Variants in KATNAL1 observed in about 807,000 individuals in gnomAD.
The protein encoded by KATNAL1 is katanin catalytic subunit A1 like 1, also known as katanin p60 ATPase-containing subunit A-like 1.
Under a neutral mutation model 55.2 loss-of-function variants are expected in KATNAL1, and 32 were observed. That is an observed-to-expected ratio of 0.58 (90% CI 0.44 to 0.78). KATNAL1 has a LOEUF of 0.78. Among genes scored for constraint, KATNAL1 ranks in the 30% least tolerant of loss-of-function variants. The pLI, the probability that KATNAL1 is intolerant of heterozygous loss-of-function variation, is 0.00. For synonymous variants in KATNAL1, 193 were observed against 193.6 expected, an observed-to-expected ratio of 1.00 and a Z score of 0.02; for missense variants, 466 against 600.9, an observed-to-expected ratio of 0.78 and a Z score of 2.35.
At chr13:30,277,232 T>A (rs1566123804) in intron 3 of KATNAL1, among the ~76,000 whole-genome samples, 1 of 152,250 alleles carries the variant, frequency 6.6e-6, no homozygotes, top group Admixed American at 6.5e-5. Context: ...TCTTGCTATT[T>A]CTCTGAAAGA....
At chr13:30,244,764 TAA>T (rs1431269029) in intron 4 of KATNAL1, among the ~76,000 whole-genome samples, 1 of 152,080 alleles carries the variant, frequency 6.6e-6, no homozygotes, top group Non-Finnish European at 1.5e-5. Flanking sequence ...GAGAATACTA[TAA>T]ACACCTCTAC....
chr13:30,267,252 G>A lies in KATNAL1; in HGVS notation c.324-11637C>T, dbSNP rs549059251. On this transcript the variant is annotated intron_variant, in intron 3 of 10. Coordinates refer to ENST00000380615, the MANE Select transcript of KATNAL1 (RefSeq NM_032116.5). The stretch of plus-strand genomic sequence containing the variant: ...AACTCTAAAGACTTTAAAACTTGAC[G>A]AACAATGATATTTTTTCATATTATC... Among the ~76,000 whole-genome samples the A allele has an allele frequency of 3.2e-4, 49 of 152,140 alleles. 1 individual carries two copies. The South Asian group carries it at 8.3e-3, about 26-fold the overall frequency.
intron 8 of KATNAL1, among the ~76,000 whole-genome samples, chr13:30,229,177 T>C (rs141635451): frequency 1.3e-5 from 2 of 152,254 alleles, no homozygotes; most frequent in African/African-American, 4.8e-5. Flanking sequence ...CTTTTCCTTC[T>C]ATGGCTCCTC....
At position 30,208,514 on chromosome 13, in the gene KATNAL1, C is replaced by A. The variant is rs1171968474; in HGVS notation, c.*26G>T. 1.4e-6 allele frequency: 2 copies of A among 1,449,044 alleles called. No homozygotes were observed. Among genetic ancestry groups the A allele is most frequent in the Non-Finnish European group, 9.2e-7 (1 of 1,089,166 alleles). 89.8% of individuals were successfully genotyped at this position (1,449,044 alleles called of 1,614,324 possible). A position where few individuals can be genotyped will look rare whatever the true frequency, so the allele number is the denominator to read the frequency against. ...TCTTCGTATTTTATCAACAAAAATA[C>A]CAGAAATTAAAGAGCTGACAGAAAT... On this transcript the variant is annotated 3_prime_UTR_variant, in exon 11 of 11. Coordinates refer to ENST00000380615, the MANE Select transcript of KATNAL1 (RefSeq NM_032116.5).
At chr13:30,252,608 T>C (rs1410620711) in intron 4 of KATNAL1, among the ~76,000 whole-genome samples, 8 of 152,190 alleles carry the variant, frequency 5.3e-5, no homozygotes, top group Admixed American at 2.6e-4. Context: ...GGCAATAAAC[T>C]GAGTTTTCTG....
At chr13:30,305,011 T>C (rs888357603) in intron 1 of KATNAL1, among the ~76,000 whole-genome samples, 2 of 152,172 alleles carry the variant, frequency 1.3e-5, no homozygotes, top group African/African-American at 4.8e-5. Context: ...ATTCAGACTC[T>C]CTTCACTTCT....
chr13:30,268,288 C>T lies in KATNAL1; in HGVS notation c.323+11775G>A, dbSNP rs556150677. On this transcript the variant is annotated intron_variant, in intron 3 of 10. Coordinates refer to ENST00000380615, the MANE Select transcript of KATNAL1 (RefSeq NM_032116.5). ...TACTGAAGAAACATTCTCAACTTTA[C>T]CACAAACAAGGCTCACCAGAAATAA... Among the ~76,000 whole-genome samples, 12 of 152,274 alleles carry T rather than the reference C, an allele frequency of 7.9e-5. No individual in the cohort carries two copies. In the South Asian group the frequency reaches 2.5e-3, roughly 32 times the overall value.
intron 1 of KATNAL1, among the ~76,000 whole-genome samples, chr13:30,290,653 A>G (rs1257049616): frequency 6.6e-6 from 1 of 152,202 alleles, no homozygotes; most frequent in Admixed American, 6.5e-5. Flanking sequence ...GAAAATTACA[A>G]TATCAATATC....
At chr13:30,253,684 T>C (rs953062321) in intron 4 of KATNAL1, among the ~76,000 whole-genome samples, 2 of 145,142 alleles carry the variant, frequency 1.4e-5, no homozygotes, top group Non-Finnish European at 3.0e-5. Context: ...AAAAAAAAAA[T>C]GTATTTGACA....
chr13:30,255,438 G>T lies in KATNAL1; in HGVS notation c.492+9C>A. The stretch of plus-strand genomic sequence containing the variant: ...CAAGTGAGTGAATTACAGAAAGACA[G>T]CATCTTGCCTTGTCATCTCTCCCTC... On this transcript the variant is annotated intron_variant, in intron 4 of 10. Transcript: ENST00000380615. 6.6e-7 allele frequency: 1 copy of T among 1,504,032 alleles called. No homozygotes were observed. The allele number at this position is 1,504,032 out of a possible 1,614,324, so 93.2% of individuals were successfully genotyped here.
intron 4 of KATNAL1, among the ~76,000 whole-genome samples, chr13:30,248,478 G>A (rs1877994233): frequency 6.6e-6 from 1 of 151,608 alleles, no homozygotes; most frequent in Admixed American, 6.6e-5. Context: ...ATATTCAAAG[G>A]ACAGAAAAAG....
At chr13:30,245,017 T>TA (rs560092866) in intron 4 of KATNAL1, among the ~76,000 whole-genome samples, 3,820 of 138,244 alleles carry the variant, frequency 0.028, 55 homozygotes, top group Non-Finnish European at 0.035. Flanking sequence ...TCCAAACAAT[T>TA]AAAAAAAAAA....
At chr13:30,257,186 T>C (rs1300368426) in intron 3 of KATNAL1, among the ~76,000 whole-genome samples, 1 of 152,198 alleles carries the variant, frequency 6.6e-6, no homozygotes, top group African/African-American at 2.4e-5. Context: ...CCTAATTTTT[T>C]TTTTTTGGAT....
At chr13:30,274,907 G>GCGCGCGCGCGCGCGCGCGCGCACACA (rs869107567) in intron 3 of KATNAL1, among the ~76,000 whole-genome samples, 12 of 105,384 alleles carry the variant, frequency 1.1e-4, no homozygotes, top group Non-Finnish European at 1.7e-4. Flanking sequence ...GCGCGCGCGC[G>GCGCGCGCGCGCGCGCGCGCGCACACA]CACACACACA....
chr13:30,208,767 TA>T, intron 10 of KATNAL1, 29 bp from the exon 11 acceptor site: 2 of 1,496,936 alleles, frequency 1.3e-6, no homozygotes, highest in Non-Finnish European at 9.2e-7. Context: ...CAGTCAACAG[TA>T]ATTTTTGCAC....
intron 1 of KATNAL1, among the ~76,000 whole-genome samples, chr13:30,284,652 T>A (rs1035505065): frequency 2.0e-5 from 3 of 152,176 alleles, no homozygotes; most frequent in African/African-American, 7.2e-5. Context: ...AATTACACTC[T>A]CTGAACCCCA....
At chr13:30,296,405 A>G in intron 1 of KATNAL1, 1 of 990,310 alleles carries the variant, frequency 1.0e-6, no homozygotes, top group Non-Finnish European at 1.6e-6. Flanking sequence ...CCTGGCTTGG[A>G]TTAACATCCC....
intron 1 of KATNAL1, among the ~76,000 whole-genome samples, chr13:30,302,508 A>G (rs1882919037): frequency 6.6e-6 from 1 of 152,232 alleles, no homozygotes; most frequent in South Asian, 2.1e-4. Flanking sequence ...CACCAGGAAA[A>G]ATGGAAAGAG....
intron 4 of KATNAL1, among the ~76,000 whole-genome samples, chr13:30,243,608 C>CAAAAAAAAAAAAAA (rs139687662): frequency 3.5e-5 from 3 of 86,462 alleles, no homozygotes; most frequent in African/African-American, 1.2e-4. Context: ...GGTATTAAGC[C>CAAAAAAAAAAAAAA]AAAAAAAAAA....
Sources: gnomAD v4.1 joint callset for allele counts (sites outside exome capture counted in the v4.1 genomes callset) on GRCh38, gnomAD v4.1.1 for gene constraint, MANE v1.5 for transcripts, NCBI Gene and HGNC (gene_info 2026-07-23, HGNC 2026-07-21) for gene names.